The following IL1RAPL2 variants were observed in gnomAD, a reference collection of about 807,000 sequenced individuals.
IL1RAPL2 encodes the protein interleukin 1 receptor accessory protein like 2.
In IL1RAPL2, 3 loss-of-function variants were observed where a neutral mutation model predicts 44.1. That is an observed-to-expected ratio of 0.07 (90% CI 0.03 to 0.18). The LOEUF (loss-of-function observed/expected upper bound fraction) is 0.18, where lower values mean the gene tolerates loss of function less well. Ranked by LOEUF, IL1RAPL2 falls within the 10% of genes least tolerant of loss-of-function variation. The pLI, the probability that IL1RAPL2 is intolerant of heterozygous loss-of-function variation, is 1.00. For missense variants in IL1RAPL2, 391 were observed against 496.4 expected (o/e 0.79, Z 2.02); for synonymous variants, 181 against 178.8 (o/e 1.01, Z -0.10).
chrX:105,428,241 G>T (rs775836519), intron 5 of IL1RAPL2, among the ~76,000 whole-genome samples: 2 of 111,618 alleles, frequency 1.8e-5, no homozygotes, highest in East Asian at 5.7e-4. Flanking sequence ...AAATTTGTGT[G>T]AGTTGTAAAA....
intron 2 of IL1RAPL2, among the ~76,000 whole-genome samples, chrX:104,989,874 C>T (rs746863228): frequency 1.4e-4 from 16 of 111,752 alleles, no homozygotes; most frequent in Non-Finnish European, 2.8e-4. Flanking sequence ...CACACATATG[C>T]ATGTAAAAAA....
rs369064622 is a variant in IL1RAPL2 at position 104,963,934 on chromosome X, T to A, written c.83-231541T>A. On this transcript the variant is annotated intron_variant, in intron 2 of 10. Coordinates refer to ENST00000372582, the MANE Select transcript of IL1RAPL2 (RefSeq NM_017416.2). ...TAGGATGTGCGTGTGTGTGTGTGTG[T>A]GAGAGAGAGAGAGAGAGAGAGAGAG... Among the ~76,000 whole-genome samples, 678 of 102,679 alleles carry A rather than the reference T, an allele frequency of 6.6e-3. 4 individuals are homozygous for A. Among genetic ancestry groups the A allele is most frequent in the African/African-American group, 0.022 (620 of 27,783 alleles). 89.2% of individuals were successfully genotyped at this position (102,679 alleles called of 115,157 possible). A position where few individuals can be genotyped will look rare whatever the true frequency, so the allele number is the denominator to read the frequency against.
chrX:105,632,699 C>G lies in IL1RAPL2; in HGVS notation c.773-84668C>G, dbSNP rs2037499434. 3.6e-5 allele frequency among the ~76,000 whole-genome samples: 4 copies of G among 111,596 alleles called. No homozygotes were observed. The South Asian group carries it at 1.5e-3, about 42-fold the overall frequency. On this transcript the variant is annotated intron_variant, in intron 6 of 10. Transcript: ENST00000372582. ...CTAGAGTTCTGATAGGCTGTGGGCT[C>G]TTCTACCCTTTCATTATAATGTACT...
At chrX:104,749,525 C>T (rs779497239) in intron 2 of IL1RAPL2, among the ~76,000 whole-genome samples, 30 of 111,883 alleles carry the variant, frequency 2.7e-4, no homozygotes, top group Admixed American at 9.5e-4. Flanking sequence ...TTTAATTATA[C>T]ATGTAATTAT....
At chrX:105,390,293 A>G (rs1228841813) in intron 5 of IL1RAPL2, among the ~76,000 whole-genome samples, 1 of 111,205 alleles carries the variant, frequency 9.0e-6, no homozygotes, top group Non-Finnish European at 1.9e-5. Context: ...CCTCCCTCCT[A>G]TTGCCAATCG....
rs1042023515 is a variant in IL1RAPL2, at chrX:104,983,364, C to T, written c.83-212111C>T. Among the ~76,000 whole-genome samples, 42 of 100,417 alleles carry T rather than the reference C, an allele frequency of 4.2e-4. 1 individual carries two copies. Among genetic ancestry groups the T allele is most frequent in the African/African-American group, 1.4e-3 (40 of 27,874 alleles). The allele number at this position is 100,417 out of a possible 115,157, so 87.2% of individuals were successfully genotyped here. On this transcript the variant is annotated intron_variant, in intron 2 of 10. Coordinates refer to ENST00000372582, the MANE Select transcript of IL1RAPL2 (RefSeq NM_017416.2). ...TATATATATATATATAAAATATTTG[C>T]TCTCTCTATATATAGAATATTAGAT...
At chrX:105,070,249 G>A (rs1226807114) in intron 2 of IL1RAPL2, among the ~76,000 whole-genome samples, 1 of 111,638 alleles carries the variant, frequency 9.0e-6, no homozygotes, top group Non-Finnish European at 1.9e-5. Flanking sequence ...AATCCCTTAA[G>A]TGAAGATATT....
intron 10 of IL1RAPL2, among the ~76,000 whole-genome samples, chrX:105,766,376 A>G (rs1245455464): frequency 9.0e-6 from 1 of 111,677 alleles, no homozygotes; most frequent in Non-Finnish European, 1.9e-5. Flanking sequence ...AAATAATCGG[A>G]GAAACAAGCT....
rs1219458851 is a variant in IL1RAPL2, at chrX:105,178,523, G to A, written c.83-16952G>A. Among the ~76,000 whole-genome samples, 5 of 111,778 alleles carry A rather than the reference G, an allele frequency of 4.5e-5. No individual in the cohort carries two copies. In the Admixed American group the frequency reaches 4.7e-4, roughly 11 times the overall value. On this transcript the variant is annotated intron_variant, in intron 2 of 10. Transcript: ENST00000372582. Reference sequence around the variant, plus strand: ...GATTGCCAGATTGTATGGTAGCTCTGTTTTTAGTTTCTTTTTGTTTTGTGT... The same window carrying A: ...GATTGCCAGATTGTATGGTAGCTCTATTTTTAGTTTCTTTTTGTTTTGTGT...
At chrX:105,297,503 C>A (rs1437719265) in intron 5 of IL1RAPL2, among the ~76,000 whole-genome samples, 7 of 110,681 alleles carry the variant, frequency 6.3e-5, no homozygotes, top group African/African-American at 2.3e-4. Context: ...AAACTACAGT[C>A]ATGGCAGGGA....
At chrX:104,656,532 C>T (rs1930266562) in intron 1 of IL1RAPL2, among the ~76,000 whole-genome samples, 1 of 111,958 alleles carries the variant, frequency 8.9e-6, no homozygotes, top group African/African-American at 3.2e-5. Flanking sequence ...GCACTGTGGT[C>T]TGAGAGACTT....
At chrX:105,510,345 G>T (rs1437398827) in intron 6 of IL1RAPL2, among the ~76,000 whole-genome samples, 1 of 111,153 alleles carries the variant, frequency 9.0e-6, no homozygotes, top group Non-Finnish European at 1.9e-5. Context: ...GTCTGTAGGG[G>T]TGGCATGCAT....
chrX:105,694,932 T>C (rs1437932198), intron 6 of IL1RAPL2, among the ~76,000 whole-genome samples: 3 of 111,464 alleles, frequency 2.7e-5, no homozygotes, highest in African/African-American at 9.8e-5. Context: ...CTTTAAGGCA[T>C]TTTTCCCCTG....
intron 4 of IL1RAPL2, among the ~76,000 whole-genome samples, chrX:105,237,561 A>C (rs1471440929): frequency 5.4e-5 from 6 of 111,559 alleles, no homozygotes; most frequent in African/African-American, 2.0e-4. Flanking sequence ...ATGGTATCTC[A>C]TTGTGGTTTT....
chrX:105,764,363 A>G (rs1041222049), intron 10 of IL1RAPL2, among the ~76,000 whole-genome samples: 4 of 111,805 alleles, frequency 3.6e-5, no homozygotes, highest in Non-Finnish European at 7.5e-5. Flanking sequence ...GGAAAATGTT[A>G]CCCTGTTCCT....
chrX:105,164,556 G>T (rs1382345333), intron 2 of IL1RAPL2, among the ~76,000 whole-genome samples: 3 of 112,319 alleles, frequency 2.7e-5, no homozygotes, highest in Non-Finnish European at 5.6e-5. Context: ...AAGGAACAGG[G>T]CAAGAACAAG....
intron 5 of IL1RAPL2, among the ~76,000 whole-genome samples, chrX:105,475,358 A>T (rs1026984917): frequency 4.3e-4 from 47 of 108,111 alleles, no homozygotes; most frequent in African/African-American, 1.7e-3. Flanking sequence ...GTATCATATT[A>T]TATTTTTAGA....
chrX:104,633,468 T>C (rs1458008173), intron 1 of IL1RAPL2, among the ~76,000 whole-genome samples: 1 of 111,809 alleles, frequency 8.9e-6, no homozygotes, highest in Non-Finnish European at 1.9e-5. Context: ...ATCCATCAGG[T>C]CCTGGACTTT....
intron 5 of IL1RAPL2, among the ~76,000 whole-genome samples, chrX:105,429,002 C>T (rs754066878): frequency 9.9e-5 from 11 of 111,033 alleles, no homozygotes; most frequent in Non-Finnish European, 1.3e-4. Flanking sequence ...AAATAATATC[C>T]GGAAATATCT....
Sources: allele counts gnomAD v4.1 joint callset (sites outside exome capture counted in the v4.1 genomes callset), GRCh38; gene constraint gnomAD v4.1.1; transcripts MANE v1.5; gene names NCBI Gene and HGNC (gene_info 2026-07-23, HGNC 2026-07-21).